EPHA5: variants seen among roughly 807,000 people sequenced by gnomAD.
EPHA5 encodes EPH receptor A5, also known as ephrin type-A receptor 5.
Under a neutral mutation model 105.0 loss-of-function variants are expected in EPHA5, and 60 were observed. The ratio of observed to expected loss-of-function variants is 0.57; its 90% CI spans 0.46 to 0.71. The LOEUF (loss-of-function observed/expected upper bound fraction) is 0.71. Among genes scored for constraint, EPHA5 ranks in the 30% least tolerant of loss-of-function variants. The pLI is 0.00. For synonymous variants in EPHA5, 513 were observed against 449.1 expected, an observed-to-expected ratio of 1.14 and a Z score of -1.80; for missense variants, 1,218 against 1,274.7, an observed-to-expected ratio of 0.96 and a Z score of 0.68.
intron 3 of EPHA5, among the ~76,000 whole-genome samples, chr4:65,504,727 CT>C (rs978253527): frequency 2.0e-5 from 3 of 151,812 alleles, no homozygotes; most frequent in African/African-American, 7.2e-5. Flanking sequence ...CACAATATTA[CT>C]TTTTGTTTAT....
rs757689701 is a variant in EPHA5, at chr4:65,669,739, G to T, written c.4C>A (p.Arg2=). The T allele has an allele frequency of 2.9e-4, 371 of 1,258,444 alleles. No individual in the cohort carries two copies. The highest frequency in any genetic ancestry group is 3.5e-4 in the Non-Finnish European group (351 of 1,000,862). 78.0% of individuals were successfully genotyped at this position (1,258,444 alleles called of 1,614,324 possible). A position where few individuals can be genotyped will look rare whatever the true frequency, so the allele number is the denominator to read the frequency against. The change falls in exon 1 of 17, where the codon CGG becomes AGG. Residue 2 remains arginine (R), a synonymous_variant. Transcript: ENST00000613740. ...CCCGCACCCCGGGGCCCCGAGCCCC[G>T]CATCTTCTCCGAGCCTCCTCCGGTG... M[R]GSGPRGAGRR...
intron 3 of EPHA5, among the ~76,000 whole-genome samples, chr4:65,528,925 C>A (rs550787129): frequency 4.6e-5 from 7 of 152,230 alleles, no homozygotes; most frequent in African/African-American, 1.7e-4. Flanking sequence ...GGTGACCATG[C>A]AATTACAATT....
chr4:65,507,546 G>A (rs559105536), intron 3 of EPHA5, among the ~76,000 whole-genome samples: 63 of 152,208 alleles, frequency 4.1e-4, no homozygotes, highest in Non-Finnish European at 6.0e-4. Context: ...ATTTCATTGA[G>A]CAGTGGTTTG....
chr4:65,348,153 T>C lies in EPHA5; in HGVS notation c.2496A>G (p.Arg832=). ...AGACATCACTGGCAGAAGTAAACTT[T>C]CGGAAAGCTATTGCTTCTGGGGCAG... ...RWTAPEAIAF[R]KFTSASDVWS... is the part of the protein sequence containing the mutation. Residue 832 remains arginine (R), a synonymous_variant, in exon 14 of 17, where the codon CGA becomes CGG. Transcript: ENST00000613740. 2 of 1,613,806 alleles carry C rather than the reference T, an allele frequency of 1.2e-6. No individual in the cohort carries two copies. The highest frequency in any genetic ancestry group is 1.3e-5 in the African/African-American group (1 of 75,018).
At chr4:65,422,122 C>T (rs1225802727) in intron 5 of EPHA5, among the ~76,000 whole-genome samples, 1 of 152,064 alleles carries the variant, frequency 6.6e-6, no homozygotes, top group African/African-American at 2.4e-5. Context: ...CCAGTGTTTT[C>T]CAAACTCAGT....
At chr4:65,461,693 C>A (rs965093072) in intron 5 of EPHA5, among the ~76,000 whole-genome samples, 1 of 151,924 alleles carries the variant, frequency 6.6e-6, no homozygotes, top group Admixed American at 6.6e-5. Flanking sequence ...ATAAACCTTG[C>A]AACCTCAGAA....
At chr4:65,635,029 A>G (rs1348506122) in intron 2 of EPHA5, among the ~76,000 whole-genome samples, 9 of 152,148 alleles carry the variant, frequency 5.9e-5, no homozygotes, top group Admixed American at 5.2e-4. Context: ...CCAGAATGGA[A>G]AATCCAGCTT....
chr4:65,351,737 A>ACC, intron 12 of EPHA5, 139 bp from the exon 13 acceptor site: 1 of 714,378 alleles, frequency 1.4e-6, no homozygotes, highest in South Asian at 1.9e-5. Context: ...GGAGATTGGA[A>ACC]AATGGTAGGA....
intron 3 of EPHA5, among the ~76,000 whole-genome samples, chr4:65,499,987 G>T (rs1000458496): frequency 1.3e-5 from 2 of 151,126 alleles, no homozygotes; most frequent in Non-Finnish European, 3.0e-5. Context: ...GGAAAAAAAT[G>T]TTCTTCACAC....
At chr4:65,568,511 A>C (rs1022077782) in intron 3 of EPHA5, among the ~76,000 whole-genome samples, 3 of 151,240 alleles carry the variant, frequency 2.0e-5, no homozygotes, top group African/African-American at 7.2e-5. Context: ...TAATATTAAA[A>C]ATTTTTATTA....
chr4:65,570,419 G>C (rs1740002432), intron 3 of EPHA5, among the ~76,000 whole-genome samples: 1 of 146,406 alleles, frequency 6.8e-6, no homozygotes, highest in Non-Finnish European at 1.5e-5. Context: ...AAGCTCTTTA[G>C]TGTGATGGCC....
chr4:65,490,344 C>G (rs2149211684), intron 5 of EPHA5, 33 bp downstream of exon 5: 1 of 1,583,016 alleles, frequency 6.3e-7, no homozygotes, highest in Non-Finnish European at 8.7e-7. Context: ...AACTAGGCCT[C>G]ACATACACAA....
chr4:65,469,300 T>C (rs1190045770), intron 5 of EPHA5, among the ~76,000 whole-genome samples: 2 of 152,132 alleles, frequency 1.3e-5, no homozygotes. Flanking sequence ...TCTGGTTAAA[T>C]TTATGCTACT....
At chr4:65,519,778 T>C (rs1302415019) in intron 3 of EPHA5, among the ~76,000 whole-genome samples, 3 of 152,144 alleles carry the variant, frequency 2.0e-5, no homozygotes, top group Non-Finnish European at 4.4e-5. Flanking sequence ...CCATTCACCA[T>C]TGCTTCAAAG....
intron 1 of EPHA5, among the ~76,000 whole-genome samples, chr4:65,658,864 G>A (rs1261613571): frequency 3.9e-5 from 6 of 151,916 alleles, no homozygotes; most frequent in South Asian, 4.1e-4. Context: ...TCAAACTCTC[G>A]TTTCAGCTCC....
intron 11 of EPHA5, among the ~76,000 whole-genome samples, chr4:65,354,335 T>A (rs1577898194): frequency 6.6e-6 from 1 of 151,914 alleles, no homozygotes; most frequent in African/African-American, 2.4e-5. Context: ...AGTATGTCTG[T>A]AATACAAGAT....
At chr4:65,627,573 T>C (rs1303907750) in intron 2 of EPHA5, among the ~76,000 whole-genome samples, 1 of 152,172 alleles carries the variant, frequency 6.6e-6, no homozygotes, top group Middle Eastern at 3.2e-3. Flanking sequence ...TAAAAGCATA[T>C]GCACTTGATG....
At chr4:65,513,221 T>C (rs983444237) in intron 3 of EPHA5, among the ~76,000 whole-genome samples, 1 of 152,204 alleles carries the variant, frequency 6.6e-6, no homozygotes, top group Admixed American at 6.5e-5. Context: ...ATATTCTTGA[T>C]AGATTTTCAT....
intron 5 of EPHA5, among the ~76,000 whole-genome samples, chr4:65,489,089 G>T (rs886424433): frequency 6.6e-6 from 1 of 151,744 alleles, no homozygotes; most frequent in African/African-American, 2.4e-5. Context: ...AGTAGAGACG[G>T]GGTTTCACTG....
Sources: gnomAD v4.1 joint callset for allele counts (sites outside exome capture counted in the v4.1 genomes callset) on GRCh38, gnomAD v4.1.1 for gene constraint, MANE v1.5 for transcripts, NCBI Gene and HGNC (gene_info 2026-07-23, HGNC 2026-07-21) for gene names.